Variants in CACNG2 observed in about 807,000 individuals in gnomAD.
The protein encoded by CACNG2 is voltage-dependent calcium channel gamma-2 subunit.
CACNG2 carries 3 observed loss-of-function variants against 25.9 expected under a neutral mutation model. The ratio of observed to expected loss-of-function variants is 0.12; its 90% CI spans 0.05 to 0.30. The LOEUF is 0.30. CACNG2 is among the 10% of genes least tolerant of loss of function. The pLI, the probability that CACNG2 is intolerant of heterozygous loss-of-function variation, is 1.00. For missense variants in CACNG2, 341 were observed against 432.5 expected (o/e 0.79, Z 1.88); for synonymous variants, 167 against 173.3 (o/e 0.96, Z 0.29).
chr22:36,679,136 CCCTTCCTTCCTTCCTTCCTTCCTT>C lies in CACNG2; in HGVS notation c.211+23206_211+23229del, dbSNP rs575397901. On this transcript the variant is annotated intron_variant, in intron 1 of 3. Transcript: ENST00000300105. ...TATCTGCCAGCATTTTGGATTTTCT[CCCTTCCTTCCTTCCTTCCTTCCTT>C]CCTTCCTTCCTTCCTTCCTTCCTTC... is the stretch of plus-strand genomic sequence containing the variant. Among the ~76,000 whole-genome samples, 1,162 of 128,446 alleles carry C rather than the reference CCCTTCCTTCCTTCCTTCCTTCCTT, an allele frequency of 9.0e-3. 8 individuals are homozygous for C. The highest frequency in any genetic ancestry group is 0.013 in the Non-Finnish European group (805 of 61,234). 84.3% of individuals were successfully genotyped at this position (128,446 alleles called of 152,430 possible).
intron 1 of CACNG2, among the ~76,000 whole-genome samples, chr22:36,641,775 C>T (rs545433105): frequency 3.2e-4 from 49 of 152,278 alleles, no homozygotes; most frequent in African/African-American, 1.0e-3. Flanking sequence ...GCCTGGCACA[C>T]GGCAGCAAAT....
chr22:36,604,044 T>C (rs552254475), intron 1 of CACNG2, among the ~76,000 whole-genome samples: 3 of 152,328 alleles, frequency 2.0e-5, no homozygotes, highest in African/African-American at 7.2e-5. Context: ...CTCAACATTC[T>C]AGATGCCAAT....
chr22:36,601,090 T>C (rs1433763258), intron 1 of CACNG2, among the ~76,000 whole-genome samples: 11 of 152,190 alleles, frequency 7.2e-5, no homozygotes, highest in Admixed American at 7.2e-4. Context: ...GCTCTGGACT[T>C]GTTCACCCTG....
At chr22:36,697,983 A>G (rs1203530822) in intron 1 of CACNG2, among the ~76,000 whole-genome samples, 1 of 152,098 alleles carries the variant, frequency 6.6e-6, no homozygotes, top group African/African-American at 2.4e-5. Context: ...ATTTGCCTTC[A>G]CTGTAGCCAA....
intron 1 of CACNG2, among the ~76,000 whole-genome samples, chr22:36,681,429 C>T (rs987298627): frequency 3.3e-5 from 5 of 152,188 alleles, no homozygotes; most frequent in Non-Finnish European, 1.5e-5. Flanking sequence ...GAATTTGAAT[C>T]TTTGTCAGCA....
At chr22:36,680,575 C>G (rs1432078561) in intron 1 of CACNG2, among the ~76,000 whole-genome samples, 1 of 147,950 alleles carries the variant, frequency 6.8e-6, no homozygotes, top group East Asian at 2.0e-4. Context: ...TCAGCACCAC[C>G]TTCATGATCA....
intron 1 of CACNG2, among the ~76,000 whole-genome samples, chr22:36,609,668 C>G (rs1320061414): frequency 1.2e-5 from 1 of 85,930 alleles, no homozygotes; most frequent in Admixed American, 1.4e-4. Flanking sequence ...CCCCCCAGAG[C>G]GTGATCGGGC....
intron 1 of CACNG2, among the ~76,000 whole-genome samples, chr22:36,656,867 C>A (rs914107503): frequency 3.3e-5 from 5 of 152,196 alleles, no homozygotes; most frequent in Admixed American, 3.3e-4. Context: ...GCTCTCTGGC[C>A]CCCTTCCTGT....
At chr22:36,650,270 T>A (rs2145974394) in intron 1 of CACNG2, among the ~76,000 whole-genome samples, 1 of 152,322 alleles carries the variant, frequency 6.6e-6, no homozygotes, top group Non-Finnish European at 1.5e-5. Flanking sequence ...TAAGGCCCCA[T>A]GTGACATGCC....
intron 1 of CACNG2, among the ~76,000 whole-genome samples, chr22:36,700,865 C>T (rs1371451880): frequency 6.6e-6 from 1 of 152,182 alleles, no homozygotes; most frequent in Non-Finnish European, 1.5e-5. Flanking sequence ...AATAGACCAT[C>T]GCTCAATGAA....
chr22:36,702,840 T>G lies in CACNG2; in HGVS notation c.-264A>C, dbSNP rs1441962690. 3 of 285,224 alleles carry G rather than the reference T, an allele frequency of 1.1e-5. No homozygotes were observed. The highest frequency in any genetic ancestry group is 1.9e-5 in the Non-Finnish European group (3 of 158,612). The allele number at this position is 285,224 out of a possible 1,614,324, so 17.7% of individuals were successfully genotyped here. ...GAAACTGTTCCAGTTGCAGTGTTTTTTTTTTAAAAAGAAAAGGAAAAAAAA... is the reference window on the plus strand; with the variant it reads ...GAAACTGTTCCAGTTGCAGTGTTTTGTTTTTAAAAAGAAAAGGAAAAAAAA... On this transcript the variant is annotated 5_prime_UTR_variant, in exon 1 of 4. Transcript: ENST00000300105.
chr22:36,587,974 C>G (rs568444315), intron 1 of CACNG2, among the ~76,000 whole-genome samples: 1 of 152,362 alleles, frequency 6.6e-6, no homozygotes, highest in South Asian at 2.1e-4. Context: ...GGACACACCC[C>G]GCACTGGTGC....
chr22:36,657,444 G>A (rs1017377256), intron 1 of CACNG2, among the ~76,000 whole-genome samples: 3 of 152,170 alleles, frequency 2.0e-5, no homozygotes, highest in Admixed American at 6.5e-5. Context: ...AGATAGAGGG[G>A]CCTGGCCTGG....
At chr22:36,644,558 G>T (rs1936489931) in intron 1 of CACNG2, among the ~76,000 whole-genome samples, 1 of 152,208 alleles carries the variant, frequency 6.6e-6, no homozygotes, top group Non-Finnish European at 1.5e-5. Context: ...ATCAAGCTGA[G>T]AAAATGTGGC....
Position 36,564,698 on chromosome 22 carries a change from G to T in CACNG2, c.625C>A (p.Arg209=). The change falls in exon 4 of 4, where the codon CGG becomes AGG. Residue 209 remains arginine (R), a synonymous_variant. Transcript: ENST00000300105. The surrounding 1 kb of genome is among the most constrained non-coding windows in gnomAD (Gnocchi z 6.7). ...HMFIDRHKQL[R]ATARATDYLQ... is the part of the protein sequence containing the mutation. ...TAGTCCGTGGCGCGGGCCGTGGCCC[G>T]CAGCTGTTTGTGCCGGTCGATAAAC... 6.2e-7 allele frequency: 1 copy of T among 1,614,098 alleles called. No individual in the cohort carries two copies. Among genetic ancestry groups the T allele is most frequent in the Non-Finnish European group, 8.5e-7 (1 of 1,180,036 alleles).
At chr22:36,591,129 C>T (rs965159129) in intron 1 of CACNG2, among the ~76,000 whole-genome samples, 12 of 151,942 alleles carry the variant, frequency 7.9e-5, no homozygotes, top group South Asian at 2.1e-4. Context: ...CTCCGCCTCC[C>T]GGGTTCACGC....
At chr22:36,581,958 G>A (rs1323007537) in intron 2 of CACNG2, among the ~76,000 whole-genome samples, 1 of 152,152 alleles carries the variant, frequency 6.6e-6, no homozygotes, top group Non-Finnish European at 1.5e-5. Context: ...CGGCCCCTTG[G>A]CACCATCCTT....
chr22:36,622,179 A>G (rs568075063), intron 1 of CACNG2, among the ~76,000 whole-genome samples: 5 of 152,360 alleles, frequency 3.3e-5, no homozygotes, highest in African/African-American at 4.8e-5. Context: ...GACCTGGCCA[A>G]TTGGCTCAAC....
chr22:36,689,040 T>C (rs374892031), intron 1 of CACNG2, among the ~76,000 whole-genome samples: 4 of 152,180 alleles, frequency 2.6e-5, no homozygotes, highest in African/African-American at 9.7e-5. Context: ...GAACTCTTAT[T>C]CGTCCTGCAG....
Sources: allele counts gnomAD v4.1 joint callset (sites outside exome capture counted in the v4.1 genomes callset), GRCh38; gene constraint gnomAD v4.1.1; non-coding constraint Gnocchi (gnomAD v3.1); transcripts MANE v1.5; gene names NCBI Gene and HGNC (gene_info 2026-07-23, HGNC 2026-07-21).